Variants in EFCAB5 observed in about 807,000 individuals in gnomAD.
EFCAB5 encodes EF-hand calcium binding domain 5, also known as EF-hand calcium-binding domain-containing protein 5.
In EFCAB5, 131 loss-of-function variants were observed where a neutral mutation model predicts 167.9. The ratio of observed to expected loss-of-function variants is 0.78; its 90% CI spans 0.68 to 0.90. EFCAB5 has a LOEUF of 0.90. EFCAB5 is among the 40% of genes least tolerant of loss of function. The pLI is 0.00. For missense variants in EFCAB5, 1,663 were observed against 1,745.2 expected (o/e 0.95, Z 0.84); for synonymous variants, 574 against 602.8 (o/e 0.95, Z 0.70).
At chr17:30,100,282 C>T (rs1012590001) in intron 22 of EFCAB5, among the ~76,000 whole-genome samples, 6 of 152,124 alleles carry the variant, frequency 3.9e-5, no homozygotes, top group East Asian at 1.9e-4. Context: ...ACAAGATCCC[C>T]GCCCTCAAGA....
intron 8 of EFCAB5, among the ~76,000 whole-genome samples, chr17:30,036,261 TATATAATATATAATTATATATAATACA>T (rs2069618935): frequency 1.0e-4 from 12 of 118,592 alleles, no homozygotes; most frequent in Non-Finnish European, 5.2e-5. Context: ...AGAATATACA[TATATAATATATAATTATATATAATACA>T]CATATATAAT....
chr17:30,090,859 G>T (rs2071183038), intron 20 of EFCAB5, among the ~76,000 whole-genome samples, 185 bp downstream of exon 20: 1 of 152,160 alleles, frequency 6.6e-6, no homozygotes, highest in South Asian at 2.1e-4. Flanking sequence ...AAAGGAAACA[G>T]CCTGGAATCA....
At chr17:30,064,534 G>A (rs2070509997) in intron 14 of EFCAB5, among the ~76,000 whole-genome samples, 1 of 152,102 alleles carries the variant, frequency 6.6e-6, no homozygotes, top group African/African-American at 2.4e-5. Context: ...ACTATTAAGT[G>A]AACAAATATT....
intron 8 of EFCAB5, among the ~76,000 whole-genome samples, chr17:30,041,708 G>A (rs1235041326): frequency 6.6e-6 from 1 of 152,170 alleles, no homozygotes; most frequent in Non-Finnish European, 1.5e-5. Flanking sequence ...CTTCATTAAA[G>A]GAAGAGTCAA....
rs565093984 is a variant in EFCAB5, at chr17:30,018,525, G to GACTGC, written c.1045-15704_1045-15700dup. Among the ~76,000 whole-genome samples, 359 of 151,920 alleles carry GACTGC rather than the reference G, an allele frequency of 2.4e-3. 2 individuals carry two copies. The highest frequency in any genetic ancestry group is 4.0e-3 in the Non-Finnish European group (269 of 67,940). The stretch of plus-strand genomic sequence containing the variant: ...GAATACATCTTATATTCTATTTTTG[G>GACTGC]ACTGCCTACATTAGGGAAACTAAAT... On this transcript the variant is annotated intron_variant, in intron 7 of 22. Transcript: ENST00000394835.
chr17:30,030,808 C>T (rs541659912), intron 7 of EFCAB5, among the ~76,000 whole-genome samples: 3 of 152,078 alleles, frequency 2.0e-5, no homozygotes, highest in Non-Finnish European at 4.4e-5. Flanking sequence ...CGTGCACCAC[C>T]ACTCTTGGCT....
intron 14 of EFCAB5, chr17:30,073,569 C>T: frequency 1.6e-6 from 1 of 614,728 alleles, no homozygotes; most frequent in Non-Finnish European, 3.0e-6. Flanking sequence ...ATACATTTCT[C>T]CCTAAATACC....
chr17:30,051,347 T>C (rs1405464059), intron 9 of EFCAB5, 130 bp downstream of exon 9: 1 of 673,666 alleles, frequency 1.5e-6, no homozygotes, highest in Non-Finnish European at 2.5e-6. Flanking sequence ...ATAATAGCTC[T>C]CTTAGATCAT....
chr17:29,930,029 G>C (rs1346404802), intron 1 of EFCAB5: 1 of 1,579,208 alleles, frequency 6.3e-7, no homozygotes, highest in South Asian at 1.2e-5. Flanking sequence ...TTCCGGGCAG[G>C]GCATTCTTGT....
chr17:29,980,900 A>G (rs2068160693), intron 4 of EFCAB5, among the ~76,000 whole-genome samples: 1 of 152,222 alleles, frequency 6.6e-6, no homozygotes, highest in South Asian at 2.1e-4. Context: ...TAGCAAATCA[A>G]CCTGGACACC....
At chr17:29,941,969 G>T in intron 1 of EFCAB5, 131 bp downstream of exon 1, 1 of 1,062,620 alleles carries the variant, frequency 9.4e-7, no homozygotes, top group Non-Finnish European at 1.4e-6. Flanking sequence ...TTCTGCATCA[G>T]GTTTTGACAG....
At position 30,052,650 on chromosome 17, in the gene EFCAB5, C is replaced by T. The variant is rs561923466; in HGVS notation, c.1301-605C>T. On this transcript the variant is annotated intron_variant, in intron 9 of 22. Transcript: ENST00000394835. ...ATTTCCACTCTTTATAGTACAGACA[C>T]CAGGGTTTTATTGTTGTTGTTTAAC... Among the ~76,000 whole-genome samples the T allele has an allele frequency of 2.2e-4, 33 of 152,194 alleles. No individual in the cohort carries two copies. The South Asian group carries it at 6.6e-3, about 31-fold the overall frequency.
In EFCAB5 at chr17:30,051,155, T is replaced by C; in HGVS notation, c.1238T>C (p.Leu413Pro). The C allele has an allele frequency of 6.2e-7, 1 of 1,614,022 alleles. No individual in the cohort carries two copies. Among genetic ancestry groups the C allele is most frequent in the South Asian group, 1.1e-5 (1 of 91,084 alleles). Residue 413 changes from leucine to proline, a missense_variant, in exon 9 of 23, where the codon CTG becomes CCG. Leu to Pro is a moderately conservative substitution (Grantham distance 98). Coordinates refer to ENST00000394835, the MANE Select transcript of EFCAB5 (RefSeq NM_198529.4). Reference protein sequence around the residue: ...FLDRQRTLALLELFYDHSSQM... With the variant: ...FLDRQRTLALPELFYDHSSQM... ...GATCGGCAGAGGACATTGGCCCTGC[T>C]GGAATTGTTCTATGACCATAGTTCA... is the stretch of plus-strand genomic sequence containing the variant.
At chr17:30,084,665 A>G (rs533193035) in intron 18 of EFCAB5, among the ~76,000 whole-genome samples, 31 of 152,110 alleles carry the variant, frequency 2.0e-4, no homozygotes, top group South Asian at 4.1e-4. Context: ...TAACTTCCTA[A>G]GCCTCCCTCT....
chr17:30,031,991 T>C (rs1001237241), intron 7 of EFCAB5: 2 of 152,048 alleles, frequency 1.3e-5, no homozygotes, highest in African/African-American at 4.8e-5. Context: ...ATTGTGCCAC[T>C]GCACCATTGC....
intron 14 of EFCAB5, among the ~76,000 whole-genome samples, chr17:30,077,744 G>A (rs1444657862): frequency 6.6e-6 from 1 of 152,204 alleles, no homozygotes; most frequent in Non-Finnish European, 1.5e-5. Flanking sequence ...CTTTGAACCA[G>A]GGAATTGCAT....
At chr17:30,081,542 A>AT (rs1351112436) in intron 17 of EFCAB5, among the ~76,000 whole-genome samples, 3 of 152,220 alleles carry the variant, frequency 2.0e-5, no homozygotes, top group African/African-American at 2.4e-5. Flanking sequence ...TTCTACAAGC[A>AT]TTTTTATTTA....
chr17:30,098,079 C>T (rs1354440236), intron 22 of EFCAB5, among the ~76,000 whole-genome samples: 1 of 152,114 alleles, frequency 6.6e-6, no homozygotes, highest in Non-Finnish European at 1.5e-5. Context: ...GGACTATAGG[C>T]ACGTGCCACC....
intron 22 of EFCAB5, among the ~76,000 whole-genome samples, chr17:30,096,669 ATATATATATT>A (rs1326437962): frequency 2.5e-4 from 15 of 59,832 alleles, no homozygotes; most frequent in African/African-American, 1.1e-3. Context: ...ATATATATAT[ATATATATATT>A]TTTTTTTTTT....
Sources: allele counts gnomAD v4.1 joint callset (sites outside exome capture counted in the v4.1 genomes callset), GRCh38; gene constraint gnomAD v4.1.1; transcripts MANE v1.5; gene names NCBI Gene and HGNC (gene_info 2026-07-23, HGNC 2026-07-21).